ACSS3: variants seen among roughly 807,000 people sequenced by gnomAD.
The protein encoded by ACSS3 is acyl-CoA synthetase short chain family member 3.
A neutral mutation model predicts 84.2 loss-of-function variants in ACSS3; 64 were observed. That is an observed-to-expected ratio of 0.76 (90% CI 0.62 to 0.94). The LOEUF is 0.94. Among genes scored for constraint, ACSS3 ranks in the 40% least tolerant of loss-of-function variants. The pLI, the probability that ACSS3 is intolerant of heterozygous loss-of-function variation, is 0.00. For missense variants in ACSS3, 815 were observed against 867.6 expected, an observed-to-expected ratio of 0.94 and a Z score of 0.76; for synonymous variants, 317 against 310.1, an observed-to-expected ratio of 1.02 and a Z score of -0.23.
At chr12:81,167,051 G>A (rs769636453) in intron 7 of ACSS3, among the ~76,000 whole-genome samples, 4 of 152,242 alleles carry the variant, frequency 2.6e-5, no homozygotes, top group South Asian at 2.1e-4. Flanking sequence ...GCTACGAGCT[G>A]TATACTAGGG....
chr12:81,197,339 G>A (rs552331603), intron 8 of ACSS3, among the ~76,000 whole-genome samples: 5 of 151,920 alleles, frequency 3.3e-5, no homozygotes, highest in Admixed American at 6.6e-5. Flanking sequence ...TCACTACTGC[G>A]GTCAAATGCA....
At chr12:81,252,891 T>C (rs904733319) in intron 13 of ACSS3, among the ~76,000 whole-genome samples, 17 of 152,220 alleles carry the variant, frequency 1.1e-4, no homozygotes, top group African/African-American at 2.9e-4. Context: ...CTCGGATTCC[T>C]CTGGAAGGTA....
chr12:81,243,086 A>G (rs1211897789), intron 13 of ACSS3, among the ~76,000 whole-genome samples: 1 of 152,140 alleles, frequency 6.6e-6, no homozygotes, highest in Non-Finnish European at 1.5e-5. Flanking sequence ...TTTGCAGATG[A>G]CATGATTGTA....
chr12:81,243,861 T>A (rs1271691124), intron 13 of ACSS3, among the ~76,000 whole-genome samples: 4 of 151,844 alleles, frequency 2.6e-5, no homozygotes, highest in Non-Finnish European at 5.9e-5. Flanking sequence ...TGAACAAACT[T>A]ATCTGTGAGG....
intron 2 of ACSS3, 28 bp from the exon 3 acceptor site, chr12:81,134,788 C>T (rs2121555610): frequency 6.8e-7 from 1 of 1,465,430 alleles, no homozygotes; most frequent in Non-Finnish European, 9.1e-7. Flanking sequence ...ACAAAATACA[C>T]TTTACTGATT....
intron 4 of ACSS3, among the ~76,000 whole-genome samples, chr12:81,139,645 A>ATTT (rs1205935894): frequency 1.7e-4 from 25 of 146,868 alleles, no homozygotes; most frequent in African/African-American, 2.5e-4. Context: ...AATTATTGTT[A>ATTT]TTTTTTTTTG....
Position 81,109,578 on chromosome 12 carries a change from T to C in ACSS3, c.330T>C (p.Leu110=), listed in dbSNP as rs1410569907. Residue 110 remains leucine (L), a synonymous_variant, in exon 2 of 16, where the codon CTT becomes CTC. Coordinates refer to ENST00000548058, the MANE Select transcript of ACSS3 (RefSeq NM_024560.4). ...PSTRWFVEGM[L]NICYNAVDRH... The stretch of plus-strand genomic sequence containing the variant: ...TTTTCAGGTTTGTGGAAGGAATGCT[T>C]AACATTTGTTACAATGCCGTTGATC... The C allele has an allele frequency of 1.2e-6, 2 of 1,610,642 alleles. No individual in the cohort carries two copies. Among genetic ancestry groups the C allele is most frequent in the South Asian group, 2.2e-5 (2 of 90,042 alleles).
intron 1 of ACSS3, among the ~76,000 whole-genome samples, chr12:81,094,184 CTGTGTG>C (rs34746505): frequency 6.8e-5 from 10 of 146,668 alleles, no homozygotes; most frequent in African/African-American, 1.5e-4. Context: ...GTCTCTCTCT[CTGTGTG>C]TGTGTGTGTG....
At chr12:81,105,403 C>T (rs1882899708) in intron 1 of ACSS3, among the ~76,000 whole-genome samples, 1 of 151,994 alleles carries the variant, frequency 6.6e-6, no homozygotes, top group Admixed American at 6.6e-5. Flanking sequence ...AGAAAAGAAT[C>T]AATTGAACTG....
At chr12:81,196,581 G>A (rs2031841415) in intron 8 of ACSS3, among the ~76,000 whole-genome samples, 1 of 151,832 alleles carries the variant, frequency 6.6e-6, no homozygotes, top group African/African-American at 2.4e-5. Context: ...AATTGTATTA[G>A]CCCATTTTGC....
chr12:81,125,070 C>T (rs1182181946), intron 2 of ACSS3, among the ~76,000 whole-genome samples: 2 of 152,064 alleles, frequency 1.3e-5, no homozygotes, highest in Non-Finnish European at 2.9e-5. Flanking sequence ...AAAAATTAGC[C>T]GGGCGTGGTG....
At chr12:81,125,640 C>G (rs1190291111) in intron 2 of ACSS3, 1 of 150,502 alleles carries the variant, frequency 6.6e-6, no homozygotes. Flanking sequence ...GTGATTATAT[C>G]TGCGCCAATG....
chr12:81,196,283 T>C (rs1473325787), intron 8 of ACSS3, among the ~76,000 whole-genome samples: 1 of 152,188 alleles, frequency 6.6e-6, no homozygotes, highest in Non-Finnish European at 1.5e-5. Flanking sequence ...CTCATGTGGT[T>C]ATTGAACTCT....
chr12:81,191,942 G>A (rs548669666), intron 8 of ACSS3, among the ~76,000 whole-genome samples: 15 of 151,850 alleles, frequency 9.9e-5, no homozygotes, highest in African/African-American at 2.9e-4. Context: ...AATATTCTAC[G>A]TATATTTCCT....
In ACSS3 at chr12:81,259,626, T is replaced by C. The variant is rs2034674599; in HGVS notation, c.*4704T>C. On this transcript the variant is annotated 3_prime_UTR_variant, in exon 16 of 16. Coordinates refer to ENST00000548058, the MANE Select transcript of ACSS3 (RefSeq NM_024560.4). The stretch of plus-strand genomic sequence containing the variant: ...CACTGCTCGTCTTCTTAGATGGTAG[T>C]GCACTTTAGGTAGAGTAGACTGAAA... 1.3e-6 allele frequency: 2 copies of C among 1,533,440 alleles called. No homozygotes were observed. Among genetic ancestry groups the C allele is most frequent in the South Asian group, 1.2e-5 (1 of 83,980 alleles). 95.0% of individuals were successfully genotyped at this position (1,533,440 alleles called of 1,614,324 possible).
At chr12:81,179,271 C>CAAAAAAAAAAAAAAAAAAAAAAAA (rs71098127) in intron 8 of ACSS3, among the ~76,000 whole-genome samples, 3 of 66,782 alleles carry the variant, frequency 4.5e-5, no homozygotes, top group East Asian at 4.8e-4. Context: ...AAGTAATTGC[C>CAAAAAAAAAAAAAAAAAAAAAAAA]AAAAAAAAAA....
chr12:81,220,201 A>G, intron 11 of ACSS3, 125 bp downstream of exon 11: 1 of 467,052 alleles, frequency 2.1e-6, no homozygotes, highest in Non-Finnish European at 3.8e-6. Flanking sequence ...TGTGTTGCTT[A>G]AGAACTGTGT....
chr12:81,150,942 G>A (rs763444805), intron 5 of ACSS3, among the ~76,000 whole-genome samples: 2 of 152,152 alleles, frequency 1.3e-5, no homozygotes, highest in Non-Finnish European at 2.9e-5. Flanking sequence ...CAAAATACAT[G>A]TGAATGGAAT....
chr12:81,251,773 A>C (rs1323314403), intron 13 of ACSS3, among the ~76,000 whole-genome samples: 2 of 151,698 alleles, frequency 1.3e-5, no homozygotes, highest in Non-Finnish European at 1.5e-5. Flanking sequence ...AGCCTGGGAG[A>C]TTGAGGTTGC....
Sources: gnomAD v4.1 joint callset for allele counts (sites outside exome capture counted in the v4.1 genomes callset) on GRCh38, gnomAD v4.1.1 for gene constraint, MANE v1.5 for transcripts, NCBI Gene and HGNC (gene_info 2026-07-23, HGNC 2026-07-21) for gene names.